Variants in FAT2 observed in about 807,000 individuals in gnomAD.
FAT2 encodes FAT atypical cadherin 2.
FAT2 carries 150 observed loss-of-function variants against 295.3 expected under a neutral mutation model. The observed-to-expected ratio is 0.51, with a 90% confidence interval of 0.44 to 0.58. The LOEUF (loss-of-function observed/expected upper bound fraction) is 0.58, where lower values mean the gene tolerates loss of function less well. FAT2 is among the 20% of genes least tolerant of loss of function. FAT2 has a pLI of 0.00. For missense variants in FAT2, 4,868 were observed against 5,442.7 expected, an observed-to-expected ratio of 0.89 and a Z score of 3.32; for synonymous variants, 2,026 against 2,150.3, an observed-to-expected ratio of 0.94 and a Z score of 1.60.
upstream of FAT2, among the ~76,000 whole-genome samples, chr5:151,592,242 C>T (rs1759441557): frequency 6.6e-6 from 1 of 152,226 alleles, no homozygotes; most frequent in African/African-American, 2.4e-5. Context: ...TAGCACTCCT[C>T]TCCCCTGCTG....
chr5:151,537,746 T>A (rs1409840610), intron 12 of FAT2, 47 bp downstream of exon 12: 1 of 1,565,622 alleles, frequency 6.4e-7, no homozygotes, highest in Non-Finnish European at 8.7e-7. Context: ...GCACTTGGTA[T>A]TCAGTAAAGA....
chr5:151,522,261 A>G (rs1753550312), intron 18 of FAT2, 175 bp from the exon 19 acceptor site: 1 of 562,400 alleles, frequency 1.8e-6, no homozygotes. Context: ...GCACTGACAG[A>G]AAAGAAAGAT....
At chr5:151,508,441 G>A (rs1197757427) in intron 22 of FAT2, among the ~76,000 whole-genome samples, 3 of 152,212 alleles carry the variant, frequency 2.0e-5, no homozygotes, top group Non-Finnish European at 4.4e-5. Flanking sequence ...TGGGCGCAGT[G>A]GCTCATGCCT....
chr5:151,531,567 TTGG>T lies in FAT2; in HGVS notation c.9811+17_9811+19del. On this transcript the variant is annotated intron_variant, in intron 14 of 23. Transcript: ENST00000261800. The surrounding 1 kb of genome is among the most constrained non-coding windows in gnomAD (Gnocchi z 5.7). Reference sequence around the variant, plus strand: ...AACCCTGTACGCGATGCTTTGGGGCTTGGTGGATCAGGCTCTCACCTGTGCGAG... The same window carrying T: ...AACCCTGTACGCGATGCTTTGGGGCTTGGATCAGGCTCTCACCTGTGCGAG... 4 of 1,611,536 alleles carry T rather than the reference TTGG, an allele frequency of 2.5e-6. No homozygotes were observed. The highest frequency in any genetic ancestry group is 3.4e-6 in the Non-Finnish European group (4 of 1,179,684).
At chr5:151,586,165 G>A (rs1408346325) in intron 1 of FAT2, among the ~76,000 whole-genome samples, 3 of 152,236 alleles carry the variant, frequency 2.0e-5, no homozygotes, top group Non-Finnish European at 4.4e-5. Context: ...CAGCAGCTCT[G>A]ACACTGGACA....
chr5:151,565,943 G>T lies in FAT2; in HGVS notation c.2989C>A (p.Leu997Met). The change falls in exon 2 of 24, where the codon CTG (leucine) becomes ATG (methionine). Residue 997 changes from leucine (L) to methionine (M), a missense_variant. By Grantham distance (15) the Leu-to-Met change is conservative (BLOSUM62 2). Transcript: ENST00000261800. The stretch of plus-strand genomic sequence containing the variant: ...CCACCATCACTGGCCCACAGGCTCA[G>T]ATTGTACCCAGCTCGCCTCTCAAAG... The part of the protein sequence containing the change: ...LDFERRAGYN[L>M]SLWASDGGRP... The T allele has an allele frequency of 6.2e-7, 1 of 1,613,992 alleles. No homozygotes were observed. Among genetic ancestry groups the T allele is most frequent in the African/African-American group, 1.3e-5 (1 of 75,058 alleles).
chr5:151,524,460 C>T (rs370368682), intron 18 of FAT2, among the ~76,000 whole-genome samples: 3 of 152,196 alleles, frequency 2.0e-5, no homozygotes, highest in African/African-American at 7.2e-5. Context: ...GAGAAGCCGA[C>T]AGTCTGCCAT....
chr5:151,545,748 G>T lies in FAT2; in HGVS notation c.5379C>A (p.Asp1793Glu), dbSNP rs752135921. 4.3e-6 allele frequency: 7 copies of T among 1,614,026 alleles called. No homozygotes were observed. The highest frequency in any genetic ancestry group is 2.2e-5 in the East Asian group (1 of 44,890). The change falls in exon 10 of 24, where the codon GAC becomes GAA. Residue 1793 changes from aspartate (D) to glutamate (E), a missense_variant. Physicochemically the swap from Asp to Glu is conservative, Grantham distance 45. Around this residue, in one of 5 missense-constraint regions of FAT2, gnomAD observed 3,297 missense variants for 3,669.4 expected, o/e 0.90. Transcript: ENST00000261800. ...AGACCAACAAGGAATTAGCTTCTTT[G>T]TCACTGTCAGAGGCATGAATCACAA... ...NPFVIHASDS[D>E]KEANSLLVYK...
chr5:151,507,924 G>A (rs1287749348), intron 22 of FAT2, among the ~76,000 whole-genome samples: 1 of 152,168 alleles, frequency 6.6e-6, no homozygotes, highest in Non-Finnish European at 1.5e-5. Flanking sequence ...TATCACTGCA[G>A]TAGAGACATC....
chr5:151,550,113 T>C (rs1409398660), intron 8 of FAT2, among the ~76,000 whole-genome samples: 1 of 152,132 alleles, frequency 6.6e-6, no homozygotes, highest in African/African-American at 2.4e-5. Flanking sequence ...GGGAAGCAAG[T>C]GAGGCAAGTA....
rs367797816 is a variant in FAT2 at position 151,534,325 on chromosome 5, T to C, written c.9427+84A>G. 16 of 1,121,462 alleles carry C rather than the reference T, an allele frequency of 1.4e-5. No individual in the cohort carries two copies. The African/African-American group carries it at 2.5e-4, about 17-fold the overall frequency. The allele number at this position is 1,121,462 out of a possible 1,614,324, so 69.5% of individuals were successfully genotyped here. A position where few individuals can be genotyped will look rare whatever the true frequency, so the allele number is the denominator to read the frequency against. ...AAGGAGGCACCGCCCTTACCAGTCC[T>C]AGAGAGACACAAAGGGGACCAAACC... On this transcript the variant is annotated intron_variant, in intron 13 of 23. Transcript: ENST00000261800.
Position 151,505,295 on chromosome 5 carries a change from T to G in FAT2, c.*270A>C. The G allele has an allele frequency of 4.0e-6, 2 of 501,996 alleles. No homozygotes were observed. The highest frequency in any genetic ancestry group is 2.8e-5 in the South Asian group (1 of 35,550). 31.1% of individuals were successfully genotyped at this position (501,996 alleles called of 1,614,324 possible). On this transcript the variant is annotated 3_prime_UTR_variant, in exon 24 of 24. Coordinates refer to ENST00000261800, the MANE Select transcript of FAT2 (RefSeq NM_001447.3). ...TCCTGTCTCTCGCCCACCCCGGGAG[T>G]CAATTGTTCCTGGTTTTCCAGGGTC... is the stretch of plus-strand genomic sequence containing the variant.
chr5:151,542,487 G>T lies in FAT2; in HGVS notation c.8640C>A (p.His2880Gln). The change falls in exon 10 of 24, where the codon CAC becomes CAA. Residue 2880 changes from histidine to glutamine, a missense_variant. Transcript: ENST00000261800. The part of the protein sequence containing the change: ...TYHFHVVAYD[H>Q]GQTIQLSSQA... Reference sequence around the variant, plus strand: ...GAGAGGATAGCTGGATGGTCTGTCCGTGGTCATAGGCCACCACATGAAAAT... The same window carrying T: ...GAGAGGATAGCTGGATGGTCTGTCCTTGGTCATAGGCCACCACATGAAAAT... 1.2e-6 allele frequency: 2 copies of T among 1,614,198 alleles called. No individual in the cohort carries two copies. The highest frequency in any genetic ancestry group is 8.5e-7 in the Non-Finnish European group (1 of 1,180,040).
chr5:151,553,786 C>T (rs10476989), intron 5 of FAT2, among the ~76,000 whole-genome samples: 5,622 of 152,232 alleles, frequency 0.037, 244 homozygotes, highest in African/African-American at 0.1. Context: ...GAGCTTTGTG[C>T]GCAATATCTG....
At position 151,507,360 on chromosome 5, in the gene FAT2, T is replaced by A. The variant is rs200773290; in HGVS notation, c.12311A>T (p.Asn4104Ile). 7 of 1,614,054 alleles carry A rather than the reference T, an allele frequency of 4.3e-6. No homozygotes were observed. Among genetic ancestry groups the A allele is most frequent in the Non-Finnish European group, 5.9e-6 (7 of 1,180,032 alleles). The change falls in exon 23 of 24, where the codon AAC (asparagine) becomes ATC (isoleucine). Residue 4104 changes from asparagine to isoleucine, a missense_variant. Asn to Ile is a moderately radical substitution (Grantham distance 149). This residue lies in a region of FAT2 where 492 missense variants were observed against 482.6 expected (regional missense o/e 1.02). Coordinates refer to ENST00000261800, the MANE Select transcript of FAT2 (RefSeq NM_001447.3). ...DTQAMPAIEL[N>I]PLSASSCNNL... ...GTTGCAGGAGCTGGCACTCAATGGG[T>A]TGAGCTCGATGGCAGGCATGGCTTG... is the stretch of plus-strand genomic sequence containing the variant.
At chr5:151,589,767 G>A (rs111964787) in intron 1 of FAT2, among the ~76,000 whole-genome samples, 5,982 of 152,140 alleles carry the variant, frequency 0.039, 170 homozygotes, top group Middle Eastern at 0.068. Flanking sequence ...CAGGTGTGGT[G>A]GTGTTTGTCT....
intron 19 of FAT2, among the ~76,000 whole-genome samples, chr5:151,520,629 C>T (rs901210944): frequency 2.0e-5 from 3 of 152,152 alleles, no homozygotes; most frequent in African/African-American, 4.8e-5. Flanking sequence ...ATTTCCCCCC[C>T]GAACCCAACT....
intron 17 of FAT2, 112 bp from the exon 18 acceptor site, chr5:151,526,077 T>C: frequency 2.0e-6 from 2 of 1,012,484 alleles, no homozygotes; most frequent in Non-Finnish European, 3.0e-6. Flanking sequence ...TGACTGCTTG[T>C]AGATGGTGCC....
At position 151,568,903 on chromosome 5, in the gene FAT2, A is replaced by G; in HGVS notation, c.29T>C (p.Ile10Thr). Residue 10 changes from isoleucine (I) to threonine (T), a missense_variant, in exon 2 of 24, where the codon ATA (isoleucine) becomes ACA (threonine). Around this residue, in one of 5 missense-constraint regions of FAT2, gnomAD observed 3,297 missense variants for 3,669.4 expected, o/e 0.90. Coordinates refer to ENST00000261800, the MANE Select transcript of FAT2 (RefSeq NM_001447.3). ...ACAGGTCGCACAATGGAGCAAGAATATGGCAAAACCCAGCAGGGCAATAGT... is the reference window on the plus strand; with the variant it reads ...ACAGGTCGCACAATGGAGCAAGAATGTGGCAAAACCCAGCAGGGCAATAGT... Reference protein sequence around the residue: MTIALLGFAIFLLHCATCEK... With the variant: MTIALLGFATFLLHCATCEK... 6.2e-7 allele frequency: 1 copy of G among 1,612,268 alleles called. No homozygotes were observed. The highest frequency in any genetic ancestry group is 8.5e-7 in the Non-Finnish European group (1 of 1,179,170).
Sources: allele counts gnomAD v4.1 joint callset (sites outside exome capture counted in the v4.1 genomes callset), GRCh38; gene constraint gnomAD v4.1.1; regional missense constraint gnomAD v4.1.1; non-coding constraint Gnocchi (gnomAD v3.1); transcripts MANE v1.5; gene names NCBI Gene and HGNC (gene_info 2026-07-23, HGNC 2026-07-21).